SIPA1L3: variants seen among roughly 807,000 people sequenced by gnomAD.
The protein encoded by SIPA1L3 is signal induced proliferation associated 1 like 3.
In SIPA1L3, 59 loss-of-function variants were observed where a neutral mutation model predicts 150.1. That is an observed-to-expected ratio of 0.39 (90% CI 0.32 to 0.49). The LOEUF (loss-of-function observed/expected upper bound fraction) is 0.49. Ranked by LOEUF, SIPA1L3 falls within the 20% of genes least tolerant of loss-of-function variation. The pLI, the probability that SIPA1L3 is intolerant of heterozygous loss-of-function variation, is 0.86. For synonymous variants in SIPA1L3, 1,070 were observed against 1,077.6 expected, an observed-to-expected ratio of 0.99 and a Z score of 0.14; for missense variants, 2,211 against 2,489.5, an observed-to-expected ratio of 0.89 and a Z score of 2.38.
chr19:38,002,717 C>CAAAAAAAAAA (rs55737969), intron 1 of SIPA1L3, among the ~76,000 whole-genome samples: 1 of 61,420 alleles, frequency 1.6e-5, no homozygotes, highest in Non-Finnish European at 2.9e-5. Context: ...GACTCCATCT[C>CAAAAAAAAAA]AAAAAAAAAA....
chr19:38,082,143 C>CG lies in SIPA1L3; in HGVS notation c.583dup (p.Ala195GlyfsTer224). On this transcript the variant is annotated frameshift_variant, in exon 3 of 22. Transcript: ENST00000222345. LOFTEE classifies it high-confidence loss of function. Reference sequence around the variant, plus strand: ...GGGGAGCCGCGGGGGGCCCGGCACACGGGGGCGCTGCCCCTCTTCCGCGAG... The same window carrying CG: ...GGGGAGCCGCGGGGGGCCCGGCACACGGGGGGCGCTGCCCCTCTTCCGCGAG... 1 of 1,605,906 alleles carries CG rather than the reference C, an allele frequency of 6.2e-7. No homozygotes were observed. The highest frequency in any genetic ancestry group is 8.5e-7 in the Non-Finnish European group (1 of 1,179,364).
chr19:38,074,330 A>G (rs1016615532), intron 2 of SIPA1L3, among the ~76,000 whole-genome samples: 1 of 152,246 alleles, frequency 6.6e-6, no homozygotes, highest in African/African-American at 2.4e-5. Flanking sequence ...GCTGGAAACA[A>G]ATGCCATCAG....
intron 15 of SIPA1L3, among the ~76,000 whole-genome samples, chr19:38,181,979 C>T (rs1008914248): frequency 3.3e-5 from 5 of 151,850 alleles, no homozygotes; most frequent in African/African-American, 4.8e-5. Context: ...AGTGAAACCC[C>T]ATCTCTACAA....
rs181721675 is a variant in SIPA1L3, at chr19:38,180,514, T to C, written c.4209-2005T>C. ...CTTGATGCTTTCAAGATGTTTATCT[T>C]AGCATTTTTCTTTTTTTCTTTTCTT... On this transcript the variant is annotated intron_variant, in intron 15 of 21. Transcript: ENST00000222345. Among the ~76,000 whole-genome samples the C allele has an allele frequency of 1.1e-4, 17 of 149,708 alleles. 1 individual carries two copies. Among genetic ancestry groups the C allele is most frequent in the Admixed American group, 1.0e-3 (15 of 14,770 alleles).
chr19:37,954,059 GA>G (rs2046787410), intron 1 of SIPA1L3, among the ~76,000 whole-genome samples: 1 of 152,094 alleles, frequency 6.6e-6, no homozygotes, highest in Non-Finnish European at 1.5e-5. Context: ...GAATGTAATT[GA>G]AATATTTTAT....
intron 1 of SIPA1L3, among the ~76,000 whole-genome samples, chr19:37,967,121 G>A (rs1490947176): frequency 2.0e-5 from 3 of 152,052 alleles, no homozygotes; most frequent in Non-Finnish European, 2.9e-5. Context: ...ACTTTGTCCT[G>A]TACCCCTCCC....
At chr19:38,160,876 A>G (rs1245823601) in intron 13 of SIPA1L3, among the ~76,000 whole-genome samples, 3 of 152,246 alleles carry the variant, frequency 2.0e-5, no homozygotes, top group Non-Finnish European at 2.9e-5. Context: ...TCAGTAGGAA[A>G]CTGGCAGGTC....
intron 18 of SIPA1L3, among the ~76,000 whole-genome samples, chr19:38,196,894 C>T (rs146316134): frequency 6.6e-6 from 1 of 152,282 alleles, no homozygotes; most frequent in African/African-American, 2.4e-5. Context: ...GTCTTCCACT[C>T]ACAGATATAA....
chr19:38,088,699 C>T (rs765679301), intron 3 of SIPA1L3, 22 bp from the exon 4 acceptor site: 3 of 1,610,678 alleles, frequency 1.9e-6, no homozygotes, highest in Admixed American at 1.7e-5. Context: ...TGAGCCTGAA[C>T]TCGCCTGCTC....
chr19:37,913,755 G>A (rs970208166), intron 1 of SIPA1L3, among the ~76,000 whole-genome samples: 1 of 147,560 alleles, frequency 6.8e-6, no homozygotes, highest in Non-Finnish European at 1.5e-5. Context: ...AGCGGCTCAC[G>A]CCTGTGATCA....
chr19:37,994,941 G>A (rs1299273038), intron 1 of SIPA1L3, among the ~76,000 whole-genome samples: 1 of 152,184 alleles, frequency 6.6e-6, no homozygotes, highest in African/African-American at 2.4e-5. Context: ...TTATGTTTCT[G>A]TGTTCAACCC....
At chr19:37,928,280 C>G (rs961421862) in intron 1 of SIPA1L3, among the ~76,000 whole-genome samples, 1 of 152,080 alleles carries the variant, frequency 6.6e-6, no homozygotes, top group Admixed American at 6.6e-5. Context: ...GGTTTTCAAA[C>G]CCGAGCAAGA....
chr19:38,040,916 A>C (rs897465229), intron 2 of SIPA1L3, among the ~76,000 whole-genome samples: 2 of 151,620 alleles, frequency 1.3e-5, no homozygotes, highest in African/African-American at 4.8e-5. Flanking sequence ...GCCCACCACC[A>C]CGCCCAGCTA....
intron 1 of SIPA1L3, among the ~76,000 whole-genome samples, chr19:37,993,007 T>A (rs1416560247): frequency 6.6e-6 from 1 of 152,138 alleles, no homozygotes. Flanking sequence ...ACTCGCTGGG[T>A]CAGTGTCAGG....
intron 1 of SIPA1L3, among the ~76,000 whole-genome samples, chr19:38,016,743 T>C (rs1968241283): frequency 6.6e-6 from 1 of 151,940 alleles, no homozygotes. Context: ...TCCTCCTGCC[T>C]TGTCCTCCCA....
At chr19:38,091,154 G>A (rs1970249882) in intron 4 of SIPA1L3, among the ~76,000 whole-genome samples, 1 of 152,210 alleles carries the variant, frequency 6.6e-6, no homozygotes, top group Admixed American at 6.5e-5. Context: ...GGGAGGCCAA[G>A]GCAGGTGGGT....
At chr19:37,945,486 T>G (rs1177209470) in intron 1 of SIPA1L3, among the ~76,000 whole-genome samples, 1 of 152,084 alleles carries the variant, frequency 6.6e-6, no homozygotes, top group African/African-American at 2.4e-5. Context: ...ATCTGCCCAC[T>G]TCAGCCTTCC....
chr19:38,107,703 T>C (rs573060406), intron 7 of SIPA1L3, among the ~76,000 whole-genome samples: 1 of 152,320 alleles, frequency 6.6e-6, no homozygotes, highest in African/African-American at 2.4e-5. Context: ...TAGGCCAGGC[T>C]TGGTGGCTCA....
intron 1 of SIPA1L3, among the ~76,000 whole-genome samples, chr19:37,985,293 C>G (rs1967320034): frequency 6.6e-6 from 1 of 151,792 alleles, no homozygotes; most frequent in Non-Finnish European, 1.5e-5. Flanking sequence ...ACCTCTCTAG[C>G]TCAAGCAATC....
Sources: allele counts gnomAD v4.1 joint callset (sites outside exome capture counted in the v4.1 genomes callset), GRCh38; gene constraint gnomAD v4.1.1; transcripts MANE v1.5; gene names NCBI Gene and HGNC (gene_info 2026-07-23, HGNC 2026-07-21).